The following PCLO variants were observed in gnomAD, a reference collection of about 807,000 sequenced individuals.
PCLO encodes the protein protein piccolo.
In PCLO, 82 loss-of-function variants were observed where a neutral mutation model predicts 427.5. The observed-to-expected ratio is 0.19, with a 90% CI of 0.16 to 0.23. The LOEUF is 0.23. Ranked by LOEUF, PCLO falls within the 10% of genes least tolerant of loss-of-function variation. PCLO has a pLI of 1.00. For missense variants in PCLO, 6,239 were observed against 6,115.9 expected (o/e 1.02, Z -0.67); for synonymous variants, 2,357 against 2,155.4 (o/e 1.09, Z -2.59).
At chr7:83,088,999 C>G (rs56157875) in intron 3 of PCLO, among the ~76,000 whole-genome samples, 29,227 of 151,934 alleles carry the variant, frequency 0.19, 3,447 homozygotes, top group African/African-American at 0.34. Flanking sequence ...TTGTAAGTCC[C>G]TTCAATAGAA....
In PCLO at chr7:82,811,930, T is replaced by TTA. The variant is rs553112737; in HGVS notation, c.14792-6103_14792-6102dup. Among the ~76,000 whole-genome samples, 501 of 151,008 alleles carry TTA rather than the reference T, an allele frequency of 3.3e-3. 5 individuals carry two copies. Among genetic ancestry groups the TTA allele is most frequent in the African/African-American group, 0.011 (470 of 41,452 alleles). On this transcript the variant is annotated intron_variant, in intron 20 of 24. Coordinates refer to ENST00000333891, the MANE Select transcript of PCLO (RefSeq NM_033026.6). ...GACTATTAGTCATTACAGATATATT[T>TTA]TATATATATATGTAAACAATATATC...
At chr7:83,100,135 T>C (rs1416689250) in intron 3 of PCLO, among the ~76,000 whole-genome samples, 1 of 152,076 alleles carries the variant, frequency 6.6e-6, no homozygotes, top group Admixed American at 6.6e-5. Context: ...AAAAATAATA[T>C]AATTGGCAAA....
chr7:82,847,257 C>T lies in PCLO; in HGVS notation c.13655-10G>A, dbSNP rs781355640. 3.1e-5 allele frequency: 45 copies of T among 1,456,812 alleles called. No homozygotes were observed. Among genetic ancestry groups the T allele is most frequent in the Non-Finnish European group, 4.0e-5 (42 of 1,053,278 alleles). The allele number at this position is 1,456,812 out of a possible 1,614,324, so 90.2% of individuals were successfully genotyped here. On this transcript the variant is annotated splice_polypyrimidine_tract_variant and intron_variant, in intron 10 of 24. Coordinates refer to ENST00000333891, the MANE Select transcript of PCLO (RefSeq NM_033026.6). ...TCCAATACTTGCATCCCTAGAAAGA[C>T]AAATTTGAATATAAAATCAAACGTG...
intron 2 of PCLO, among the ~76,000 whole-genome samples, chr7:83,139,533 G>A (rs1791812934): frequency 6.6e-6 from 1 of 152,094 alleles, no homozygotes; most frequent in African/African-American, 2.4e-5. Context: ...ATTCACTGTG[G>A]TTTATAAATG....
At chr7:83,108,729 G>A (rs1046338428) in intron 3 of PCLO, among the ~76,000 whole-genome samples, 2 of 151,528 alleles carry the variant, frequency 1.3e-5, no homozygotes, top group Non-Finnish European at 2.9e-5. Context: ...CCTGGGTCAG[G>A]ATTAATCAAT....
intron 3 of PCLO, among the ~76,000 whole-genome samples, chr7:83,108,408 AAT>A (rs1790922232): frequency 6.6e-6 from 1 of 152,170 alleles, no homozygotes; most frequent in African/African-American, 2.4e-5. Context: ...ATGCCAGAGA[AAT>A]AGAGATACCT....
At chr7:82,949,274 CAA>C (rs1401644293) in intron 6 of PCLO, among the ~76,000 whole-genome samples, 200 bp downstream of exon 6, 1 of 151,684 alleles carries the variant, frequency 6.6e-6, no homozygotes, top group South Asian at 2.1e-4. Flanking sequence ...CACACACACA[CAA>C]GCGCACACAC....
chr7:83,097,478 T>C (rs1790619012), intron 3 of PCLO, among the ~76,000 whole-genome samples: 1 of 146,434 alleles, frequency 6.8e-6, no homozygotes, highest in African/African-American at 2.5e-5. Flanking sequence ...GCCGAGATCC[T>C]GCCACTGCAC....
intron 7 of PCLO, among the ~76,000 whole-genome samples, chr7:82,912,477 T>C (rs527848237): frequency 1.3e-5 from 2 of 152,058 alleles, no homozygotes; most frequent in South Asian, 2.1e-4. Context: ...ATGTAATTCA[T>C]ATATAATTGC....
At chr7:82,771,004 A>G (rs1790636238) in intron 22 of PCLO, among the ~76,000 whole-genome samples, 1 of 151,982 alleles carries the variant, frequency 6.6e-6, no homozygotes, top group Admixed American at 6.6e-5. Flanking sequence ...ACATAGAAGG[A>G]ATGAAGAACT....
Position 83,134,772 on chromosome 7 carries a change from G to T in PCLO, c.2778C>A (p.Thr926=), listed in dbSNP as rs774941495. The T allele has an allele frequency of 5.6e-6, 9 of 1,613,744 alleles. No individual in the cohort carries two copies. In the Admixed American group the frequency reaches 1.2e-4, roughly 21 times the overall value. The change falls in exon 3 of 25, where the codon ACC becomes ACA. Residue 926 remains threonine, a synonymous_variant. Coordinates refer to ENST00000333891, the MANE Select transcript of PCLO (RefSeq NM_033026.6). ...CAAACCCAAAGAGTTTCCCAGTCAC[G>T]GTCTCTTGAGGAGTTGTAGGCTGTG... The part of the protein sequence containing the change: ...PKSQPTTPQE[T]VTGKLFGFGA...
chr7:82,956,697 A>T lies in PCLO; in HGVS notation c.4256T>A (p.Ile1419Asn), dbSNP rs1400403329. The T allele has an allele frequency of 1.7e-5, 28 of 1,613,658 alleles. No homozygotes were observed. Among genetic ancestry groups the T allele is most frequent in the Non-Finnish European group, 2.1e-5 (25 of 1,179,808 alleles). Residue 1419 changes from isoleucine to asparagine, a missense_variant, in exon 5 of 25, where the codon ATT becomes AAT. This residue lies in a region of PCLO where 4,677 missense variants were observed against 4,468.4 expected (regional missense o/e 1.05). Transcript: ENST00000333891. ...AAGTGTACTTGCTTGAGCTTCCAAA[A>T]TAGATAGGACTGTACTTTCTAACTT... ...LAKLESTVLS[I>N]LEAQASTLAD... is the part of the protein sequence containing the mutation.
intron 3 of PCLO, among the ~76,000 whole-genome samples, chr7:83,078,678 C>T (rs1174726142): frequency 2.6e-5 from 4 of 151,980 alleles, no homozygotes; most frequent in Non-Finnish European, 4.4e-5. Context: ...ACTACAGGTG[C>T]ACGCCGCTAT....
intron 10 of PCLO, among the ~76,000 whole-genome samples, chr7:82,874,440 G>A (rs1203173048): frequency 6.6e-6 from 1 of 152,002 alleles, no homozygotes; most frequent in Non-Finnish European, 1.5e-5. Flanking sequence ...GGTCTGTATC[G>A]GAGTCAAAAA....
intron 3 of PCLO, among the ~76,000 whole-genome samples, chr7:83,048,988 A>G (rs989322085): frequency 6.6e-6 from 1 of 152,168 alleles, no homozygotes; most frequent in Non-Finnish European, 1.5e-5. Context: ...AGTTATTAGA[A>G]CAGATTGCTT....
Position 82,955,137 on chromosome 7 carries a change from T to G in PCLO, c.5816A>C (p.Glu1939Ala). Residue 1939 changes from glutamate (E) to alanine (A), a missense_variant, in exon 5 of 25, where the codon GAA becomes GCA. By Grantham distance (107) the Glu-to-Ala change is moderately radical. Around this residue, in one of 5 missense-constraint regions of PCLO, gnomAD observed 4,677 missense variants for 4,468.4 expected, o/e 1.05. Coordinates refer to ENST00000333891, the MANE Select transcript of PCLO (RefSeq NM_033026.6). ...ATACAAAGGCTCTTTTTCAAACACT[T>G]CATCTCGTTCATTTGCAGCTGGAAA... ...KAFPAANERDEVFEKEPLYGG... is the reference protein window; with the variant it reads ...KAFPAANERDAVFEKEPLYGG... 6.2e-7 allele frequency: 1 copy of G among 1,613,816 alleles called. No homozygotes were observed. The highest frequency in any genetic ancestry group is 1.1e-5 in the South Asian group (1 of 91,078).
intron 9 of PCLO, among the ~76,000 whole-genome samples, chr7:82,886,452 C>T (rs1697444821): frequency 6.6e-6 from 1 of 151,084 alleles, no homozygotes; most frequent in Admixed American, 6.6e-5. Context: ...GCCTTATATG[C>T]CTGATTATGT....
At chr7:82,811,922 G>T (rs1791580209) in intron 20 of PCLO, among the ~76,000 whole-genome samples, 2 of 150,978 alleles carry the variant, frequency 1.3e-5, no homozygotes, top group Admixed American at 6.6e-5. Context: ...AGTCATTACA[G>T]ATATATTTTA....
Position 82,954,630 on chromosome 7 carries a change from G to A in PCLO, c.6323C>T (p.Ser2108Leu), listed in dbSNP as rs1299047495. The change falls in exon 5 of 25, where the codon TCA becomes TTA. Residue 2108 changes from serine (S) to leucine (L), a missense_variant. Ser to Leu is a moderately radical substitution (Grantham distance 145). Around this residue, in one of 5 missense-constraint regions of PCLO, gnomAD observed 4,677 missense variants for 4,468.4 expected, o/e 1.05. Transcript: ENST00000333891. ...FDRMPDASLTSSVLSGASLTD... is the reference protein window; with the variant it reads ...FDRMPDASLTLSVLSGASLTD... ...AAGAGACGCTCCTGAGAGAACACTT[G>A]ATGTCAAAGAGGCATCTGGCATTCT... is the stretch of plus-strand genomic sequence containing the variant. The A allele has an allele frequency of 5.6e-6, 9 of 1,613,828 alleles. No individual in the cohort carries two copies. The highest frequency in any genetic ancestry group is 7.6e-6 in the Non-Finnish European group (9 of 1,179,866).
Sources: gnomAD v4.1 joint callset for allele counts (sites outside exome capture counted in the v4.1 genomes callset) on GRCh38, gnomAD v4.1.1 for gene constraint, gnomAD v4.1.1 regional missense constraint, MANE v1.5 for transcripts, NCBI Gene and HGNC (gene_info 2026-07-23, HGNC 2026-07-21) for gene names.